ZNRF3: variants seen among roughly 807,000 people sequenced by gnomAD.
ZNRF3 encodes the protein zinc and ring finger 3, also known as E3 ubiquitin-protein ligase ZNRF3.
Under a neutral mutation model 72.5 loss-of-function variants are expected in ZNRF3, and 23 were observed. That is an observed-to-expected ratio of 0.32 (90% confidence interval 0.23 to 0.45). The LOEUF (loss-of-function observed/expected upper bound fraction) is 0.45, where lower values mean the gene tolerates loss of function less well. Among genes scored for constraint, ZNRF3 ranks in the 20% least tolerant of loss-of-function variants. The pLI is 1.00. For synonymous variants in ZNRF3, 610 were observed against 545.3 expected, an observed-to-expected ratio of 1.12 and a Z score of -1.65; for missense variants, 1,169 against 1,272.1, an observed-to-expected ratio of 0.92 and a Z score of 1.23.
intron 1 of ZNRF3, among the ~76,000 whole-genome samples, chr22:28,929,383 A>G (rs1287154443): frequency 6.6e-6 from 1 of 152,140 alleles, no homozygotes; most frequent in Non-Finnish European, 1.5e-5. Flanking sequence ...GTTGTAGGAT[A>G]TCGAGCCACA....
At chr22:29,023,443 A>G (rs1049136456) in intron 2 of ZNRF3, among the ~76,000 whole-genome samples, 8 of 152,214 alleles carry the variant, frequency 5.3e-5, no homozygotes, top group African/African-American at 1.4e-4. Context: ...GTCAAGGTCC[A>G]TGTTGCCTAA....
chr22:29,051,880 C>CA (rs758308347), intron 8 of ZNRF3, among the ~76,000 whole-genome samples: 1,531 of 83,436 alleles, frequency 0.018, 11 homozygotes, highest in African/African-American at 0.028. Context: ...GACTCCATCT[C>CA]AAAAAAAAAA....
At chr22:28,994,965 G>GT (rs2036022807) in intron 2 of ZNRF3, among the ~76,000 whole-genome samples, 1 of 152,188 alleles carries the variant, frequency 6.6e-6, no homozygotes, top group South Asian at 2.1e-4. Context: ...GACAATCTAG[G>GT]TACAATGAGG....
intron 2 of ZNRF3, among the ~76,000 whole-genome samples, chr22:28,999,163 C>CAAAAA (rs10601140): frequency 1.4e-4 from 9 of 63,420 alleles, no homozygotes; most frequent in African/African-American, 3.8e-4. Context: ...AATAAAAATA[C>CAAAAA]AAAAAAAAAA....
rs530454247 is a variant in ZNRF3 at position 29,049,463 on chromosome 22, C to T, written c.1282C>T (p.Leu428=). The change falls in exon 8 of 9, where the codon CTG becomes TTG. Residue 428 remains leucine, a synonymous_variant. Coordinates refer to ENST00000544604, the MANE Select transcript of ZNRF3 (RefSeq NM_001206998.2). This position sits in a 1 kb window ranked among gnomAD's most constrained non-coding sequence, Gnocchi z 5.2. Reference sequence around the variant, plus strand: ...CCCACCCCTCCACCTGGACCACAGCCTGGCCGCTCACCGCTGCGGCCTGGA... The same window carrying T: ...CCCACCCCTCCACCTGGACCACAGCTTGGCCGCTCACCGCTGCGGCCTGGA... ...SYPPLHLDHS[L]AAHRCGLEHR... The T allele has an allele frequency of 1.1e-4, 180 of 1,605,368 alleles. 1 individual carries two copies. In the East Asian group the frequency reaches 3.3e-3, roughly 30 times the overall value.
chr22:28,897,649 A>T (rs1384075789), intron 1 of ZNRF3, among the ~76,000 whole-genome samples: 1 of 152,064 alleles, frequency 6.6e-6, no homozygotes, highest in African/African-American at 2.4e-5. Flanking sequence ...TGCCTGCTGT[A>T]ATACGTGTCT....
In ZNRF3 at chr22:29,048,218, A is replaced by G. The variant is rs2037110096; in HGVS notation, c.913-171A>G. ...TGCTGGCAGTTTCCTTCTTCCTAGAACACATGGGTGGGCCCTGCTTCTAGG... is the reference window on the plus strand; with the variant it reads ...TGCTGGCAGTTTCCTTCTTCCTAGAGCACATGGGTGGGCCCTGCTTCTAGG... On this transcript the variant is annotated intron_variant, in intron 6 of 8. Coordinates refer to ENST00000544604, the MANE Select transcript of ZNRF3 (RefSeq NM_001206998.2). The surrounding 1 kb of genome is among the most constrained non-coding windows in gnomAD (Gnocchi z 4.9). Among the ~76,000 whole-genome samples the G allele has an allele frequency of 1.3e-5, 2 of 152,140 alleles. No individual in the cohort carries two copies. Among genetic ancestry groups the G allele is most frequent in the Admixed American group, 1.3e-4 (2 of 15,274 alleles).
At chr22:29,036,382 G>A (rs2123876492) in intron 2 of ZNRF3, among the ~76,000 whole-genome samples, 1 of 152,292 alleles carries the variant, frequency 6.6e-6, no homozygotes, top group African/African-American at 2.4e-5. Context: ...GGACCTTGAA[G>A]GATTAGTAAT....
chr22:29,056,915 C>T lies in ZNRF3; in HGVS notation c.*3293C>T, dbSNP rs985832006. On this transcript the variant is annotated 3_prime_UTR_variant, in exon 9 of 9. Transcript: ENST00000544604. ...GTGCTGCTAGTCTCTACTCGAAGTT[C>T]GTGCAGGACTAATGCTTTTAAAATG... 3.9e-5 allele frequency: 6 copies of T among 152,306 alleles called. No homozygotes were observed. Among genetic ancestry groups the T allele is most frequent in the South Asian group, 2.1e-4 (1 of 4,822 alleles). The allele number at this position is 152,306 out of a possible 1,614,324, so 9.4% of individuals were successfully genotyped here.
At chr22:28,904,854 T>C (rs2034176169) in intron 1 of ZNRF3, among the ~76,000 whole-genome samples, 1 of 152,104 alleles carries the variant, frequency 6.6e-6, no homozygotes, top group South Asian at 2.1e-4. Context: ...GCTGAGTTTT[T>C]TCCTAATCTG....
chr22:29,034,301 T>G (rs542032720), intron 2 of ZNRF3, among the ~76,000 whole-genome samples: 1 of 152,340 alleles, frequency 6.6e-6, no homozygotes, highest in East Asian at 1.9e-4. Flanking sequence ...TCCATACTGA[T>G]AACCATCTCA....
intron 6 of ZNRF3, among the ~76,000 whole-genome samples, chr22:29,047,818 C>CT (rs1350705362): frequency 6.6e-6 from 1 of 152,344 alleles, no homozygotes; most frequent in East Asian, 1.9e-4. Context: ...CCCAATAACT[C>CT]TATCTGTCTA....
chr22:29,014,976 C>A (rs1051953646), intron 2 of ZNRF3, among the ~76,000 whole-genome samples: 6 of 152,228 alleles, frequency 3.9e-5, no homozygotes, highest in Admixed American at 2.6e-4. Context: ...GTCATCTGTT[C>A]TTTGACACAT....
chr22:28,942,205 A>G lies in ZNRF3; in HGVS notation c.301-44871A>G, dbSNP rs547865232. Reference sequence around the variant, plus strand: ...TTTCTTTGAGGATCTGAAGTTTCTCAACAAAGCTTGTCTGAAGCTATGTGA... The same window carrying G: ...TTTCTTTGAGGATCTGAAGTTTCTCGACAAAGCTTGTCTGAAGCTATGTGA... On this transcript the variant is annotated intron_variant, in intron 1 of 8. Coordinates refer to ENST00000544604, the MANE Select transcript of ZNRF3 (RefSeq NM_001206998.2). Among the ~76,000 whole-genome samples the G allele has an allele frequency of 2.6e-5, 4 of 152,350 alleles. No homozygotes were observed. The South Asian group carries it at 6.2e-4, about 24-fold the overall frequency.
At chr22:28,962,512 A>G (rs565040084) in intron 1 of ZNRF3, among the ~76,000 whole-genome samples, 1 of 152,332 alleles carries the variant, frequency 6.6e-6, no homozygotes, top group Non-Finnish European at 1.5e-5. Context: ...GATTCTAGCT[A>G]TTATACTGAC....
intron 1 of ZNRF3, among the ~76,000 whole-genome samples, chr22:28,885,005 G>A (rs1397830522): frequency 6.6e-6 from 1 of 152,164 alleles, no homozygotes; most frequent in Admixed American, 6.5e-5. Flanking sequence ...TAATATGCGC[G>A]CCTCGGATGG....
intron 8 of ZNRF3, among the ~76,000 whole-genome samples, chr22:29,053,075 T>C (rs891228854): frequency 1.3e-5 from 2 of 152,140 alleles, no homozygotes; most frequent in African/African-American, 4.8e-5. Context: ...TGCTTTCACC[T>C]CCTGTGGCCC....
At chr22:29,028,712 C>T (rs2036689568) in intron 2 of ZNRF3, among the ~76,000 whole-genome samples, 1 of 152,204 alleles carries the variant, frequency 6.6e-6, no homozygotes, top group Non-Finnish European at 1.5e-5. Context: ...TGGGGATCAA[C>T]ACCACCTCCC....
intron 1 of ZNRF3, among the ~76,000 whole-genome samples, chr22:28,937,207 ATATATATATTTTT>A (rs1482475399): frequency 1.8e-3 from 5 of 2,846 alleles, no homozygotes; most frequent in Admixed American, 0.016. Context: ...ATATATATAT[ATATATATATTTTT>A]TTTTTTTTTT....
Sources: allele counts gnomAD v4.1 joint callset (sites outside exome capture counted in the v4.1 genomes callset), GRCh38; gene constraint gnomAD v4.1.1; non-coding constraint Gnocchi (gnomAD v3.1); transcripts MANE v1.5; gene names NCBI Gene and HGNC (gene_info 2026-07-23, HGNC 2026-07-21).